The following GOLGA7 variants were observed in gnomAD, a reference collection of about 807,000 sequenced individuals.
The protein encoded by GOLGA7 is golgin A7.
In GOLGA7, 10 loss-of-function variants were observed where a neutral mutation model predicts 21.1. That is an observed-to-expected ratio of 0.47 (90% confidence interval 0.29 to 0.80). GOLGA7 has a LOEUF of 0.80. Among genes scored for constraint, GOLGA7 ranks in the 30% least tolerant of loss-of-function variants. GOLGA7 has a pLI of 0.08. For synonymous variants in GOLGA7, 64 were observed against 62.6 expected (o/e 1.02, Z -0.10); for missense variants, 114 against 166.8 (o/e 0.68, Z 1.74).
Position 41,490,851 on chromosome 8 carries a change from C to T in GOLGA7, c.-4C>T, listed in dbSNP as rs756265063. ...CCCGCAGCGCGGGGTGTCCTGTCCTCGCCATGAGGCCGCAGCAGGCGCCGG... is the reference window on the plus strand; with the variant it reads ...CCCGCAGCGCGGGGTGTCCTGTCCTTGCCATGAGGCCGCAGCAGGCGCCGG... On this transcript the variant is annotated 5_prime_UTR_variant, in exon 1 of 5. Coordinates refer to ENST00000357743, the MANE Select transcript of GOLGA7 (RefSeq NM_001002296.2). The T allele has an allele frequency of 2.6e-6, 4 of 1,566,526 alleles. No individual in the cohort carries two copies. The highest frequency in any genetic ancestry group is 2.3e-5 in the South Asian group (2 of 86,804).
intron 1 of GOLGA7, among the ~76,000 whole-genome samples, chr8:41,497,057 A>G (rs564831032): frequency 6.6e-6 from 1 of 151,204 alleles, no homozygotes; most frequent in Non-Finnish European, 1.5e-5. Flanking sequence ...TGATCCGCCC[A>G]CCTCAGCCTC....
chr8:41,497,462 AT>A lies in GOLGA7; in HGVS notation c.112-37del, dbSNP rs763329840. On this transcript the variant is annotated intron_variant, in intron 1 of 4. Coordinates refer to ENST00000357743, the MANE Select transcript of GOLGA7 (RefSeq NM_001002296.2). ...AATTAATGATAGCATGCATTAGTTG[AT>A]TTTTTTTTTCCAAAACTTAATTTTT... 1.4e-3 allele frequency: 1,455 copies of A among 1,024,678 alleles called. 1 individual carries two copies. The highest frequency in any genetic ancestry group is 2.6e-3 in the South Asian group (151 of 57,624). The allele number at this position is 1,024,678 out of a possible 1,614,324, so 63.5% of individuals were successfully genotyped here.
intron 1 of GOLGA7, among the ~76,000 whole-genome samples, chr8:41,493,743 A>G (rs928887979): frequency 2.6e-5 from 4 of 152,292 alleles, no homozygotes; most frequent in African/African-American, 9.6e-5. Context: ...GTTCACAGTA[A>G]TTCTGGGAAA....
intron 4 of GOLGA7, among the ~76,000 whole-genome samples, chr8:41,508,929 GTGGGAATTAGTGACTTAACAA>G (rs1806354580): frequency 6.6e-6 from 1 of 152,214 alleles, no homozygotes. Flanking sequence ...GAAGCAATAT[GTGGGAATTAGTGACTTAACAA>G]AAGACTACAC....
At position 41,490,921 on chromosome 8, in the gene GOLGA7, C is replaced by T; in HGVS notation, c.67C>T (p.Arg23Cys). Reference protein sequence around the residue: ...FIQRDYSSGTRCQFQTKFPAE... With the variant: ...FIQRDYSSGTCCQFQTKFPAE... ...TCAGCGAGACTACAGCAGTGGCACA[C>T]GCTGCCAGTTCCAGACCAAGTTCCC... Residue 23 changes from arginine to cysteine, a missense_variant, in exon 1 of 5, where the codon CGC (arginine) becomes TGC (cysteine). Coordinates refer to ENST00000357743, the MANE Select transcript of GOLGA7 (RefSeq NM_001002296.2). 6.3e-7 allele frequency: 1 copy of T among 1,599,376 alleles called. No individual in the cohort carries two copies. The highest frequency in any genetic ancestry group is 1.1e-5 in the South Asian group (1 of 88,850).
rs1443880619 is a variant in GOLGA7 at position 41,510,589 on chromosome 8, T to A, written c.*1021T>A. 6.6e-6 allele frequency: 1 copy of A among 152,658 alleles called. No homozygotes were observed. Among genetic ancestry groups the A allele is most frequent in the African/African-American group, 2.4e-5 (1 of 41,452 alleles). The allele number at this position is 152,658 out of a possible 1,614,324, so 9.5% of individuals were successfully genotyped here. On this transcript the variant is annotated 3_prime_UTR_variant, in exon 5 of 5. Coordinates refer to ENST00000357743, the MANE Select transcript of GOLGA7 (RefSeq NM_001002296.2). ...GATTGGCTCAAGTACAGTAAGTTACTTCTCAGTAAAACTCTCAAGTCTGAG... is the reference window on the plus strand; with the variant it reads ...GATTGGCTCAAGTACAGTAAGTTACATCTCAGTAAAACTCTCAAGTCTGAG...
intron 1 of GOLGA7, among the ~76,000 whole-genome samples, chr8:41,494,163 G>A (rs1235012582): frequency 6.6e-6 from 1 of 151,726 alleles, no homozygotes; most frequent in East Asian, 1.9e-4. Flanking sequence ...TTGTAATCTC[G>A]GAATAACGCA....
At chr8:41,503,545 G>C (rs1285906403) in intron 2 of GOLGA7, among the ~76,000 whole-genome samples, 1 of 80,796 alleles carries the variant, frequency 1.2e-5, no homozygotes, top group Non-Finnish European at 2.4e-5. Flanking sequence ...TATGGTTTTA[G>C]GTTTAACGTT....
chr8:41,498,402 A>G (rs920383405), intron 2 of GOLGA7, among the ~76,000 whole-genome samples: 2 of 152,250 alleles, frequency 1.3e-5, no homozygotes, highest in African/African-American at 4.8e-5. Flanking sequence ...ATGTTTTACC[A>G]CTGAGTAAAA....
intron 1 of GOLGA7, among the ~76,000 whole-genome samples, chr8:41,494,342 C>A (rs538444803): frequency 6.6e-6 from 1 of 152,058 alleles, no homozygotes; most frequent in African/African-American, 2.4e-5. Context: ...TTAGGGTTTC[C>A]GGGATAAACA....
chr8:41,507,732 G>A (rs749049823), intron 4 of GOLGA7, among the ~76,000 whole-genome samples: 8 of 152,180 alleles, frequency 5.3e-5, no homozygotes, highest in Non-Finnish European at 1.0e-4. Flanking sequence ...GCAGAGTCAC[G>A]TTGAAGCCCT....
chr8:41,492,146 T>C (rs1229041323), intron 1 of GOLGA7, among the ~76,000 whole-genome samples: 1 of 152,224 alleles, frequency 6.6e-6, no homozygotes, highest in East Asian at 1.9e-4. Flanking sequence ...GGATCAAATA[T>C]GCCTTTAAAA....
intron 1 of GOLGA7, among the ~76,000 whole-genome samples, chr8:41,491,181 C>G (rs1294588133): frequency 6.6e-6 from 1 of 152,198 alleles, no homozygotes; most frequent in Non-Finnish European, 1.5e-5. Context: ...CCGGGGTTGA[C>G]GACCTTATGG....
rs1212528184 is a variant in GOLGA7, at chr8:41,510,058, G to A, written c.*490G>A. 5 of 152,256 alleles carry A rather than the reference G, an allele frequency of 3.3e-5. No individual in the cohort carries two copies. Among genetic ancestry groups the A allele is most frequent in the East Asian group, 1.9e-4 (1 of 5,184 alleles). 9.4% of individuals were successfully genotyped at this position (152,256 alleles called of 1,614,324 possible). A position where few individuals can be genotyped will look rare whatever the true frequency, so the allele number is the denominator to read the frequency against. ...TTGGTGAGGGTTGGCTGTGGCTGTC[G>A]TTTTGCACCTCCCAGATTTCAAAGA... On this transcript the variant is annotated 3_prime_UTR_variant, in exon 5 of 5. Coordinates refer to ENST00000357743, the MANE Select transcript of GOLGA7 (RefSeq NM_001002296.2).
At chr8:41,492,314 T>C (rs1805902643) in intron 1 of GOLGA7, among the ~76,000 whole-genome samples, 1 of 152,266 alleles carries the variant, frequency 6.6e-6, no homozygotes, top group Admixed American at 6.5e-5. Flanking sequence ...AGCTACTGAA[T>C]GTTGTTTTAA....
chr8:41,503,212 A>AAAG (rs1806193185), intron 2 of GOLGA7, among the ~76,000 whole-genome samples: 1 of 152,018 alleles, frequency 6.6e-6, no homozygotes, highest in Admixed American at 6.6e-5. Flanking sequence ...TTTATAAAAA[A>AAAG]AAAAAAAGTG....
At chr8:41,500,671 C>T (rs1257876889) in intron 2 of GOLGA7, among the ~76,000 whole-genome samples, 1 of 152,240 alleles carries the variant, frequency 6.6e-6, no homozygotes, top group Non-Finnish European at 1.5e-5. Context: ...CTCAAGCGAT[C>T]CTCTCACCTC....
At chr8:41,494,842 A>G (rs1253655054) in intron 1 of GOLGA7, among the ~76,000 whole-genome samples, 1 of 152,144 alleles carries the variant, frequency 6.6e-6, no homozygotes, top group Admixed American at 6.5e-5. Flanking sequence ...TTTCCACACA[A>G]CGGACAAAAC....
chr8:41,508,633 G>A lies in GOLGA7; in HGVS notation c.*16-951G>A, dbSNP rs2150448487. 3.3e-5 allele frequency among the ~76,000 whole-genome samples: 5 copies of A among 152,320 alleles called. No homozygotes were observed. The South Asian group carries it at 1.0e-3, about 32-fold the overall frequency. On this transcript the variant is annotated intron_variant, in intron 4 of 4. Transcript: ENST00000357743. ...CATTTTGCAGCTATTGTGTAATCAT[G>A]TGTTTTTCTGATGTGTGAGGTTTGA...
Sources: gnomAD v4.1 joint callset for allele counts (sites outside exome capture counted in the v4.1 genomes callset) on GRCh38, gnomAD v4.1.1 for gene constraint, MANE v1.5 for transcripts, NCBI Gene and HGNC (gene_info 2026-07-23, HGNC 2026-07-21) for gene names.